Variants in CCSER1 observed in about 807,000 individuals in gnomAD.
CCSER1 encodes the protein serine-rich coiled-coil domain-containing protein 1.
CCSER1 carries 41 observed loss-of-function variants against 82.0 expected under a neutral mutation model. The observed-to-expected ratio is 0.50, with a 90% CI of 0.39 to 0.65. The LOEUF is 0.65. Among genes scored for constraint, CCSER1 ranks in the 30% least tolerant of loss-of-function variants. The pLI, the probability that CCSER1 is intolerant of heterozygous loss-of-function variation, is 0.00. For missense variants in CCSER1, 1,119 were observed against 1,064.2 expected (o/e 1.05, Z -0.72); for synonymous variants, 414 against 383.9 (o/e 1.08, Z -0.92).
rs550658419 is a variant in CCSER1 at position 91,442,869 on chromosome 4, A to G, written c.2218-155703A>G. ...TTTATGCAGCCAAAAAACACATGAAAAACTGCTCACCATCACTGGCCGTCA... is the reference window on the plus strand; with the variant it reads ...TTTATGCAGCCAAAAAACACATGAAGAACTGCTCACCATCACTGGCCGTCA... On this transcript the variant is annotated intron_variant, in intron 10 of 10. Transcript: ENST00000509176. Among the ~76,000 whole-genome samples, 3 of 152,334 alleles carry G rather than the reference A, an allele frequency of 2.0e-5. No homozygotes were observed. The South Asian group carries it at 6.2e-4, about 32-fold the overall frequency.
At chr4:90,428,171 C>T (rs1389110245) in intron 4 of CCSER1, among the ~76,000 whole-genome samples, 1 of 151,820 alleles carries the variant, frequency 6.6e-6, no homozygotes, top group African/African-American at 2.4e-5. Context: ...TTTTATTATG[C>T]AGAATTTTAA....
At chr4:90,403,498 C>CAAAAAAAAAAAA (rs753570201) in intron 4 of CCSER1, among the ~76,000 whole-genome samples, 4 of 45,994 alleles carry the variant, frequency 8.7e-5, no homozygotes, top group Non-Finnish European at 1.3e-4. Flanking sequence ...GACTCCGTCT[C>CAAAAAAAAAAAA]AAAAAAAAAA....
At chr4:90,952,021 G>A (rs1732971383) in intron 9 of CCSER1, among the ~76,000 whole-genome samples, 1 of 151,908 alleles carries the variant, frequency 6.6e-6, no homozygotes, top group Non-Finnish European at 1.5e-5. Flanking sequence ...TCAATTTGGG[G>A]TGGAATATTA....
chr4:90,371,306 T>C (rs1437396514), intron 3 of CCSER1, among the ~76,000 whole-genome samples: 1 of 152,154 alleles, frequency 6.6e-6, no homozygotes, highest in African/African-American at 2.4e-5. Context: ...ATAGATAATA[T>C]ATTCTTCAGG....
At chr4:90,314,740 C>T (rs964873763) in intron 3 of CCSER1, among the ~76,000 whole-genome samples, 1 of 150,874 alleles carries the variant, frequency 6.6e-6, no homozygotes, top group African/African-American at 2.4e-5. Flanking sequence ...CAGAGCAAGA[C>T]CTGGTCTCGA....
At chr4:91,183,145 G>A (rs892654596) in intron 10 of CCSER1, among the ~76,000 whole-genome samples, 25 of 152,284 alleles carry the variant, frequency 1.6e-4, no homozygotes, top group Admixed American at 4.6e-4. Flanking sequence ...TTTGCAATTC[G>A]GTAAATAAAG....
chr4:91,329,290 T>G (rs2149274395), intron 10 of CCSER1, among the ~76,000 whole-genome samples: 1 of 152,368 alleles, frequency 6.6e-6, no homozygotes, highest in South Asian at 2.1e-4. Context: ...AAATCATCTT[T>G]TCTACAAATA....
chr4:90,845,632 G>A (rs923300179), intron 8 of CCSER1, among the ~76,000 whole-genome samples: 2 of 152,114 alleles, frequency 1.3e-5, no homozygotes, highest in Admixed American at 1.3e-4. Context: ...AACTAGGAGT[G>A]AAAGGCTGTC....
chr4:90,423,401 A>G (rs1342508614), intron 4 of CCSER1, among the ~76,000 whole-genome samples: 6 of 149,956 alleles, frequency 4.0e-5, no homozygotes, highest in Non-Finnish European at 8.9e-5. Flanking sequence ...AATTTTTTGT[A>G]GTTTAGTAGA....
chr4:90,178,283 T>C, intron 1 of CCSER1, among the ~76,000 whole-genome samples: 1 of 151,772 alleles, frequency 6.6e-6, no homozygotes, highest in South Asian at 2.1e-4. Context: ...GGCTTTAAAA[T>C]GAAGCTTATT....
intron 2 of CCSER1, 92 bp downstream of exon 2, chr4:90,309,700 A>G: frequency 1.0e-6 from 1 of 987,320 alleles, no homozygotes. Context: ...AATGGAAACC[A>G]CATTTTTCTT....
chr4:91,427,096 C>A (rs755811285), intron 10 of CCSER1, among the ~76,000 whole-genome samples: 8 of 152,098 alleles, frequency 5.3e-5, no homozygotes, highest in Non-Finnish European at 1.0e-4. Context: ...CCATGCTAAC[C>A]ATCTTCATTC....
chr4:91,052,018 C>T (rs953319826), intron 9 of CCSER1, among the ~76,000 whole-genome samples: 2 of 151,842 alleles, frequency 1.3e-5, no homozygotes. Flanking sequence ...CATGCTTTAT[C>T]TAAAATATTT....
chr4:90,201,946 T>G (rs17016649), intron 1 of CCSER1, among the ~76,000 whole-genome samples: 7,438 of 152,194 alleles, frequency 0.049, 436 homozygotes, highest in East Asian at 0.25. Flanking sequence ...TTAAGGAAAG[T>G]TGATACATAA....
rs111813013 is a variant in CCSER1 at position 90,700,437 on chromosome 4, C to T, written c.1933-23477C>T. On this transcript the variant is annotated intron_variant, in intron 6 of 10. Coordinates refer to ENST00000509176, the MANE Select transcript of CCSER1 (RefSeq NM_001145065.2). ...AAGTCTTTGCTATTGTGAATAGTGCCGCAATAAACATACGTGTGCATGTGT... is the reference window on the plus strand; with the variant it reads ...AAGTCTTTGCTATTGTGAATAGTGCTGCAATAAACATACGTGTGCATGTGT... Among the ~76,000 whole-genome samples the T allele has an allele frequency of 1.3e-4, 20 of 152,018 alleles. 1 individual carries two copies. The highest frequency in any genetic ancestry group is 4.1e-4 in the African/African-American group (17 of 41,364).
chr4:90,202,392 A>G (rs1488775623), intron 1 of CCSER1, among the ~76,000 whole-genome samples: 1 of 151,926 alleles, frequency 6.6e-6, no homozygotes, highest in African/African-American at 2.4e-5. Flanking sequence ...TAGTAGAGAT[A>G]GGGTTTTGCC....
intron 10 of CCSER1, among the ~76,000 whole-genome samples, chr4:91,568,353 G>T (rs1274145197): frequency 6.6e-6 from 1 of 151,960 alleles, no homozygotes; most frequent in Admixed American, 6.6e-5. Context: ...GTAGAATCTT[G>T]CAGAGATTCT....
At chr4:90,470,762 C>CAAA (rs754754971) in intron 5 of CCSER1, among the ~76,000 whole-genome samples, 1,580 of 70,820 alleles carry the variant, frequency 0.022, 80 homozygotes, top group African/African-American at 0.039. Context: ...TTAATCAAAG[C>CAAA]AAAAAAAAAA....
intron 10 of CCSER1, among the ~76,000 whole-genome samples, chr4:91,223,557 T>C (rs1213997630): frequency 1.3e-5 from 2 of 152,048 alleles, no homozygotes; most frequent in Non-Finnish European, 2.9e-5. Context: ...TCAGAATACA[T>C]AACTGAAATT....
Sources: allele counts gnomAD v4.1 joint callset (sites outside exome capture counted in the v4.1 genomes callset), GRCh38; gene constraint gnomAD v4.1.1; transcripts MANE v1.5; gene names NCBI Gene and HGNC (gene_info 2026-07-23, HGNC 2026-07-21).